Variants in PSMA5 observed in about 807,000 individuals in gnomAD.
The protein encoded by PSMA5 is proteasome 20S subunit alpha 5.
PSMA5 carries 3 observed loss-of-function variants against 34.5 expected under a neutral mutation model. The observed-to-expected ratio is 0.09, with a 90% CI of 0.04 to 0.22. The LOEUF (loss-of-function observed/expected upper bound fraction) is 0.22, where lower values mean the gene tolerates loss of function less well. Among genes scored for constraint, PSMA5 ranks in the 10% least tolerant of loss-of-function variants. The probability of loss-of-function intolerance (pLI) is 1.00; values close to 1 mark genes in which losing one functional copy is unlikely to be tolerated. For missense variants in PSMA5, 120 were observed against 286.1 expected (o/e 0.42, Z 4.19); for synonymous variants, 88 against 95.8 (o/e 0.92, Z 0.47).
intron 2 of PSMA5, among the ~76,000 whole-genome samples, chr1:109,419,102 G>T (rs186798463): frequency 0.011 from 1,685 of 152,162 alleles, 14 homozygotes; most frequent in Middle Eastern, 0.027. Flanking sequence ...GCAGTGAGCC[G>T]AGATCACGCC....
intron 8 of PSMA5, among the ~76,000 whole-genome samples, chr1:109,407,080 C>T (rs1025479750): frequency 3.9e-5 from 6 of 152,122 alleles, no homozygotes; most frequent in Admixed American, 6.5e-5. Flanking sequence ...CTCCGCCTCA[C>T]GGGTTCACAC....
At chr1:109,413,319 A>G (rs1654068970) in intron 3 of PSMA5, among the ~76,000 whole-genome samples, 184 bp from the exon 4 acceptor site, 1 of 152,248 alleles carries the variant, frequency 6.6e-6, no homozygotes, top group Non-Finnish European at 1.5e-5. Flanking sequence ...TGATATTAGA[A>G]ACAAAAAACC....
At chr1:109,422,482 C>CTTTT (rs35947865) in intron 1 of PSMA5, among the ~76,000 whole-genome samples, 5 of 123,930 alleles carry the variant, frequency 4.0e-5, no homozygotes, top group African/African-American at 1.4e-4. Context: ...ACAGTTATTA[C>CTTTT]TTTTTTTTTT....
Position 109,412,119 on chromosome 1 carries a change from C to T in PSMA5, c.357G>A (p.Leu119=), listed in dbSNP as rs1203370280. 6 of 1,613,988 alleles carry T rather than the reference C, an allele frequency of 3.7e-6. No homozygotes were observed. In the South Asian group the frequency reaches 6.6e-5, roughly 18 times the overall value. Reference sequence around the variant, plus strand: ...CATCTTCTTCTCCAAACTGCAAAGCCAGATTGGACACAGCTTGGGTCACAC... The same window carrying T: ...CATCTTCTTCTCCAAACTGCAAAGCTAGATTGGACACAGCTTGGGTCACAC... ...VESVTQAVSN[L]ALQFGEEDAD... is the part of the protein sequence containing the mutation. The change falls in exon 5 of 9, where the codon CTG becomes CTA. Residue 119 remains leucine, a synonymous_variant. Coordinates refer to ENST00000271308, the MANE Select transcript of PSMA5 (RefSeq NM_002790.4).
chr1:109,416,410 C>T (rs146395594), intron 2 of PSMA5, among the ~76,000 whole-genome samples: 2,343 of 152,334 alleles, frequency 0.015, 24 homozygotes, highest in Middle Eastern at 0.034. Flanking sequence ...GCTCAAGCCA[C>T]GTTATCTCCT....
rs986996334 is a variant in PSMA5, at chr1:109,400,782, T to C, written c.*1231A>G. On this transcript the variant is annotated 3_prime_UTR_variant, in exon 9 of 9. Coordinates refer to ENST00000271308, the MANE Select transcript of PSMA5 (RefSeq NM_002790.4). Reference sequence around the variant, plus strand: ...ATAGTCATAATTTATTAACATATAGTACAACTTCCTACACATCAATATACC... The same window carrying C: ...ATAGTCATAATTTATTAACATATAGCACAACTTCCTACACATCAATATACC... The C allele has an allele frequency of 6.6e-6, 1 of 152,228 alleles. No homozygotes were observed. Among genetic ancestry groups the C allele is most frequent in the African/African-American group, 2.4e-5 (1 of 41,460 alleles). 9.4% of individuals were successfully genotyped at this position (152,228 alleles called of 1,614,324 possible).
intron 1 of PSMA5, among the ~76,000 whole-genome samples, chr1:109,425,094 C>T (rs1278080362): frequency 6.6e-6 from 1 of 152,290 alleles, no homozygotes; most frequent in South Asian, 2.1e-4. Flanking sequence ...CTCCTATATG[C>T]GAGCAAGGAG....
rs1340081602 is a variant in PSMA5 at position 109,399,283 on chromosome 1, G to A, written c.*2730C>T. 1 of 152,194 alleles carries A rather than the reference G, an allele frequency of 6.6e-6. No homozygotes were observed. The highest frequency in any genetic ancestry group is 1.5e-5 in the Non-Finnish European group (1 of 68,032). 9.4% of individuals were successfully genotyped at this position (152,194 alleles called of 1,614,324 possible). A position where few individuals can be genotyped will look rare whatever the true frequency, so the allele number is the denominator to read the frequency against. ...AAAATCACTAGAATAGTCTTTTTAA[G>A]TTCTCAGTTACTGGACTGAAAAGAT... On this transcript the variant is annotated 3_prime_UTR_variant, in exon 9 of 9. Transcript: ENST00000271308.
rs372766883 is a variant in PSMA5, at chr1:109,421,905, G to A, written c.51C>T (p.Pro17=). 100 of 1,531,498 alleles carry A rather than the reference G, an allele frequency of 6.5e-5. 1 individual carries two copies. In the Middle Eastern group the frequency reaches 1.0e-3, roughly 16 times the overall value. 94.9% of individuals were successfully genotyped at this position (1,531,498 alleles called of 1,614,324 possible). A position where few individuals can be genotyped will look rare whatever the true frequency, so the allele number is the denominator to read the frequency against. ...ATTCCACTTGAAATAATCTTCCTTC[G>A]GGAGAAAAAGTATTCACGCCCCTAT... ...EYDRGVNTFS[P]EGRLFQVEYA... Residue 17 remains proline, a synonymous_variant, in exon 2 of 9, where the codon CCC becomes CCT. Transcript: ENST00000271308.
intron 2 of PSMA5, among the ~76,000 whole-genome samples, chr1:109,418,827 TAAG>T (rs554990450): frequency 1.1e-4 from 17 of 152,054 alleles, no homozygotes; most frequent in Non-Finnish European, 1.0e-4. Context: ...GGGATGCTAA[TAAG>T]AAGAAAAGAA....
intron 6 of PSMA5, among the ~76,000 whole-genome samples, chr1:109,411,562 A>ATG (rs747499995): frequency 4.6e-5 from 7 of 151,804 alleles, no homozygotes; most frequent in African/African-American, 1.2e-4. Flanking sequence ...GAAGCCATAT[A>ATG]TATGTATATA....
chr1:109,413,709 A>T (rs1654090977), intron 3 of PSMA5, among the ~76,000 whole-genome samples: 1 of 152,208 alleles, frequency 6.6e-6, no homozygotes, highest in Admixed American at 6.5e-5. Context: ...CCCAAGTTTC[A>T]GACATATAAA....
In PSMA5 at chr1:109,426,434, T is replaced by A; in HGVS notation, c.-104A>T. The A allele has an allele frequency of 7.0e-7, 1 of 1,436,726 alleles. No individual in the cohort carries two copies. Among genetic ancestry groups the A allele is most frequent in the East Asian group, 2.3e-5 (1 of 44,040 alleles). The allele number at this position is 1,436,726 out of a possible 1,614,324, so 89.0% of individuals were successfully genotyped here. On this transcript the variant is annotated 5_prime_UTR_variant, in exon 1 of 9. Transcript: ENST00000271308. ...AGCCAACTCACCCACACGGCCGCAG[T>A]ACTAAGGACCAACTGCGCGTGCGAC...
At chr1:109,412,821 T>C (rs920383688) in intron 4 of PSMA5, 12 of 397,636 alleles carry the variant, frequency 3.0e-5, no homozygotes, top group African/African-American at 1.7e-4. Context: ...GCTTTATATA[T>C]AGGCAAAGCC....
In PSMA5 at chr1:109,407,021, C is replaced by T. The variant is rs568349127; in HGVS notation, c.648+2907G>A. On this transcript the variant is annotated intron_variant, in intron 8 of 8. Coordinates refer to ENST00000271308, the MANE Select transcript of PSMA5 (RefSeq NM_002790.4). ...ATATTTTGAGACAGTCTCGCTCTGT[C>T]GCCCAGGCTGGAGTGCAGTGGCGCG... Among the ~76,000 whole-genome samples the T allele has an allele frequency of 1.8e-3, 270 of 152,242 alleles. 2 individuals carry two copies. The highest frequency in any genetic ancestry group is 5.6e-4 in the Non-Finnish European group (38 of 68,008).
At chr1:109,419,042 A>C (rs1002390394) in intron 2 of PSMA5, among the ~76,000 whole-genome samples, 5 of 152,068 alleles carry the variant, frequency 3.3e-5, no homozygotes, top group African/African-American at 9.7e-5. Flanking sequence ...AATCCCAGCT[A>C]CTCAGGAGGC....
chr1:109,413,446 G>A (rs777849295), intron 3 of PSMA5, among the ~76,000 whole-genome samples: 1 of 152,140 alleles, frequency 6.6e-6, no homozygotes, highest in East Asian at 1.9e-4. Flanking sequence ...CTTTGTAGAC[G>A]ATGATACATT....
At chr1:109,402,469 G>A (rs1308225999) in intron 8 of PSMA5, among the ~76,000 whole-genome samples, 2 of 152,172 alleles carry the variant, frequency 1.3e-5, no homozygotes, top group Non-Finnish European at 2.9e-5. Context: ...ATACTTAAAA[G>A]TTGAGCTTGT....
At chr1:109,421,983 T>C (rs17647543) in intron 1 of PSMA5, 57 bp from the exon 2 acceptor site, 59,921 of 1,115,772 alleles carry the variant, frequency 0.054, 1,891 homozygotes, top group Non-Finnish European at 0.058. Flanking sequence ...ATGTAGACAC[T>C]GAATTCAAGT....
Sources: gnomAD v4.1 joint callset for allele counts (sites outside exome capture counted in the v4.1 genomes callset) on GRCh38, gnomAD v4.1.1 for gene constraint, MANE v1.5 for transcripts, NCBI Gene and HGNC (gene_info 2026-07-23, HGNC 2026-07-21) for gene names.